GPR39: variants seen among roughly 807,000 people sequenced by gnomAD.
GPR39 encodes G protein-coupled receptor 39.
Under a neutral mutation model 18.4 loss-of-function variants are expected in GPR39, and 23 were observed. The ratio of observed to expected loss-of-function variants is 1.25; its 90% CI spans 0.90 to 1.77. The LOEUF (loss-of-function observed/expected upper bound fraction) is 1.77. GPR39 is among the 40% of genes most tolerant of loss of function. The probability of loss-of-function intolerance (pLI) is 0.00; values close to 1 mark genes in which losing one functional copy is unlikely to be tolerated. For missense variants in GPR39, 647 were observed against 602.4 expected (o/e 1.07, Z -0.78); for synonymous variants, 280 against 257.9 (o/e 1.09, Z -0.82).
intron 1 of GPR39, among the ~76,000 whole-genome samples, chr2:132,586,227 A>G (rs1379726474): frequency 6.6e-6 from 1 of 152,110 alleles, no homozygotes; most frequent in Non-Finnish European, 1.5e-5. Context: ...GGGGAGCAAC[A>G]AAAAGCCATT....
chr2:132,611,136 C>T (rs1271506852), intron 1 of GPR39, among the ~76,000 whole-genome samples: 3 of 152,196 alleles, frequency 2.0e-5, no homozygotes, highest in East Asian at 1.9e-4. Flanking sequence ...GTTCTGAGTT[C>T]GGACATAGTG....
chr2:132,457,325 T>C (rs1404913288), intron 1 of GPR39, among the ~76,000 whole-genome samples: 1 of 152,228 alleles, frequency 6.6e-6, no homozygotes, highest in African/African-American at 2.4e-5. Context: ...GATTTTCAGC[T>C]CCATCAGTTC....
intron 1 of GPR39, among the ~76,000 whole-genome samples, chr2:132,527,041 G>A (rs746437653): frequency 3.9e-4 from 59 of 152,026 alleles, no homozygotes; most frequent in African/African-American, 1.1e-3. Context: ...CTATCAACCC[G>A]TCATCTAGGT....
chr2:132,454,267 A>G (rs1157740165), intron 1 of GPR39, among the ~76,000 whole-genome samples: 2 of 152,098 alleles, frequency 1.3e-5, no homozygotes, highest in African/African-American at 4.8e-5. Context: ...TTCACTCATT[A>G]TTTGGCTCTC....
intron 1 of GPR39, among the ~76,000 whole-genome samples, chr2:132,606,508 G>A (rs929763409): frequency 1.3e-5 from 2 of 152,234 alleles, no homozygotes; most frequent in Non-Finnish European, 2.9e-5. Context: ...CAGAGGTTGT[G>A]GGTAGCCCTT....
intron 1 of GPR39, among the ~76,000 whole-genome samples, chr2:132,620,754 A>T (rs1681427001): frequency 6.6e-6 from 1 of 151,534 alleles, no homozygotes; most frequent in African/African-American, 2.4e-5. Context: ...TTTTATTTTT[A>T]TTTATTTAGT....
chr2:132,432,789 A>G (rs1476157158), intron 1 of GPR39, among the ~76,000 whole-genome samples: 2 of 152,102 alleles, frequency 1.3e-5, no homozygotes, highest in African/African-American at 2.4e-5. Context: ...TCCATCACCT[A>G]CTAGTGTGTG....
At chr2:132,640,535 A>T (rs1035395416) in intron 1 of GPR39, among the ~76,000 whole-genome samples, 1 of 152,230 alleles carries the variant, frequency 6.6e-6, no homozygotes, top group Non-Finnish European at 1.5e-5. Flanking sequence ...CCTGCTTTAC[A>T]TGAGTGGGTT....
chr2:132,502,293 G>A (rs181291883), intron 1 of GPR39, among the ~76,000 whole-genome samples: 83 of 152,216 alleles, frequency 5.5e-4, no homozygotes, highest in African/African-American at 1.6e-3. Flanking sequence ...TTCTCTCAGC[G>A]TTTGTTTGTT....
rs189382293 is a variant in GPR39, at chr2:132,494,650, G to C, written c.856+76752G>C. On this transcript the variant is annotated intron_variant, in intron 1 of 1. Coordinates refer to ENST00000329321, the MANE Select transcript of GPR39 (RefSeq NM_001508.3). Reference sequence around the variant, plus strand: ...TCTCTATGCTGTGGTCACAGAAATGGAGTCAAATTTCCATCCTATTTCTAG... The same window carrying C: ...TCTCTATGCTGTGGTCACAGAAATGCAGTCAAATTTCCATCCTATTTCTAG... 3.3e-3 allele frequency among the ~76,000 whole-genome samples: 504 copies of C among 152,224 alleles called. 2 individuals are homozygous for C. The highest frequency in any genetic ancestry group is 0.011 in the African/African-American group (455 of 41,522).
intron 1 of GPR39, among the ~76,000 whole-genome samples, chr2:132,465,521 T>C (rs1034420571): frequency 6.6e-6 from 1 of 152,224 alleles, no homozygotes; most frequent in African/African-American, 2.4e-5. Context: ...TACTGTTTCC[T>C]GGGGAGTCCC....
chr2:132,508,579 T>C (rs1184112372), intron 1 of GPR39, among the ~76,000 whole-genome samples: 1 of 118,780 alleles, frequency 8.4e-6, no homozygotes, highest in Non-Finnish European at 2.0e-5. Flanking sequence ...CCTCCATGCA[T>C]TGAAATGACT....
At position 132,593,474 on chromosome 2, in the gene GPR39, G is replaced by A. The variant is rs144197969; in HGVS notation, c.857-51627G>A. 5.0e-4 allele frequency among the ~76,000 whole-genome samples: 76 copies of A among 152,270 alleles called. No individual in the cohort carries two copies. The East Asian group carries it at 0.014, about 28-fold the overall frequency. ...AGACATGGTCTGAGAGGCTCAGCAT[G>A]AAAACAAAGACATTGCTCTCTCTTC... On this transcript the variant is annotated intron_variant, in intron 1 of 1. Coordinates refer to ENST00000329321, the MANE Select transcript of GPR39 (RefSeq NM_001508.3).
intron 1 of GPR39, among the ~76,000 whole-genome samples, chr2:132,623,054 G>A (rs1681469581): frequency 6.6e-6 from 1 of 152,198 alleles, no homozygotes; most frequent in African/African-American, 2.4e-5. Flanking sequence ...AGAGGTTGCA[G>A]TGAGCTAAGA....
rs145896835 is a variant in GPR39, at chr2:132,610,281, G to C, written c.857-34820G>C. 5.2e-3 allele frequency among the ~76,000 whole-genome samples: 794 copies of C among 152,202 alleles called. 9 individuals carry two copies. Among genetic ancestry groups the C allele is most frequent in the African/African-American group, 0.018 (760 of 41,526 alleles). On this transcript the variant is annotated intron_variant, in intron 1 of 1. Coordinates refer to ENST00000329321, the MANE Select transcript of GPR39 (RefSeq NM_001508.3). Reference sequence around the variant, plus strand: ...AATGGCCTGGGCTTCAGTGTCACAGGTGTCAAATCACCCATACTTCCTAGG... The same window carrying C: ...AATGGCCTGGGCTTCAGTGTCACAGCTGTCAAATCACCCATACTTCCTAGG...
At chr2:132,450,633 GGCTGCTGGTT>G (rs1166287606) in intron 1 of GPR39, among the ~76,000 whole-genome samples, 1 of 152,182 alleles carries the variant, frequency 6.6e-6, no homozygotes. Context: ...ACCTCAGCCA[GGCTGCTGGTT>G]GCTAGTAGGT....
chr2:132,603,034 G>A (rs1000193285), intron 1 of GPR39, among the ~76,000 whole-genome samples: 3 of 152,064 alleles, frequency 2.0e-5, no homozygotes, highest in Admixed American at 2.0e-4. Flanking sequence ...CCAATACTGG[G>A]TATTTATCCA....
At chr2:132,493,974 A>C (rs1681587157) in intron 1 of GPR39, among the ~76,000 whole-genome samples, 1 of 152,152 alleles carries the variant, frequency 6.6e-6, no homozygotes. Flanking sequence ...AAAGACTGAA[A>C]GTATTTCCAG....
At chr2:132,621,540 T>G (rs1166798591) in intron 1 of GPR39, among the ~76,000 whole-genome samples, 1 of 152,084 alleles carries the variant, frequency 6.6e-6, no homozygotes, top group Non-Finnish European at 1.5e-5. Flanking sequence ...TGTGGGAGAG[T>G]CAGTGCCTGA....
Sources: gnomAD v4.1 joint callset for allele counts (sites outside exome capture counted in the v4.1 genomes callset) on GRCh38, gnomAD v4.1.1 for gene constraint, MANE v1.5 for transcripts, NCBI Gene and HGNC (gene_info 2026-07-23, HGNC 2026-07-21) for gene names.